The following NPHP4 variants were observed in gnomAD, a reference collection of about 807,000 sequenced individuals.
The protein encoded by NPHP4 is nephrocystin 4, also known as nephrocystin-4.
Under a neutral mutation model 155.8 loss-of-function variants are expected in NPHP4, and 151 were observed. The ratio of observed to expected loss-of-function variants is 0.97; its 90% CI spans 0.85 to 1.11. The LOEUF is 1.11. Among genes scored for constraint, NPHP4 ranks in the 50% least tolerant of loss-of-function variants. NPHP4 has a pLI of 0.00. For synonymous variants in NPHP4, 845 were observed against 816.8 expected (o/e 1.03, Z -0.59); for missense variants, 1,956 against 1,925.7 (o/e 1.02, Z -0.29).
chr1:5,916,611 C>G (rs1645486339), intron 11 of NPHP4, among the ~76,000 whole-genome samples: 1 of 152,242 alleles, frequency 6.6e-6, no homozygotes, highest in Non-Finnish European at 1.5e-5. Flanking sequence ...CGTTCAACTC[C>G]TGGTCCTTCC....
At chr1:5,966,878 C>G (rs1651607315) in intron 5 of NPHP4, among the ~76,000 whole-genome samples, 1 of 152,226 alleles carries the variant, frequency 6.6e-6, no homozygotes, top group Non-Finnish European at 1.5e-5. Context: ...TGAGGAACAG[C>G]AGGAAGCTCC....
In NPHP4 at chr1:5,890,091, A is replaced by G. The variant is rs494611; in HGVS notation, c.2304+777T>C. 0.087 allele frequency among the ~76,000 whole-genome samples: 13,173 copies of G among 151,916 alleles called. 610 individuals carry two copies. The highest frequency in any genetic ancestry group is 0.14 in the Middle Eastern group (40 of 294). On this transcript the variant is annotated intron_variant, in intron 17 of 29. Coordinates refer to ENST00000378156, the MANE Select transcript of NPHP4 (RefSeq NM_015102.5). The surrounding 1 kb of genome is among the most constrained non-coding windows in gnomAD (Gnocchi z 4.9). Reference sequence around the variant, plus strand: ...TCTCAGGGGTCAGCAGCTGCTGGAGAGGACAGGAAGCCCCGGGGGTTCAGC... The same window carrying G: ...TCTCAGGGGTCAGCAGCTGCTGGAGGGGACAGGAAGCCCCGGGGGTTCAGC...
chr1:5,869,959 C>T (rs1423056859), intron 23 of NPHP4, among the ~76,000 whole-genome samples: 1 of 152,226 alleles, frequency 6.6e-6, no homozygotes, highest in Non-Finnish European at 1.5e-5. Context: ...TGTGCACATA[C>T]ACGCACATAT....
Position 5,947,307 on chromosome 1 carries a change from A to G in NPHP4, c.993-77T>C, listed in dbSNP as rs1647157840. ...TCCCGCATCCACGTCGACCACTGTC[A>G]GAACAGTCAAGGGGACACCCTGGGG... On this transcript the variant is annotated intron_variant, in intron 8 of 29. Transcript: ENST00000378156. 3 of 1,532,812 alleles carry G rather than the reference A, an allele frequency of 2.0e-6. No individual in the cohort carries two copies. In the Admixed American group the frequency reaches 5.1e-5, roughly 26 times the overall value. 95.0% of individuals were successfully genotyped at this position (1,532,812 alleles called of 1,614,324 possible). A position where few individuals can be genotyped will look rare whatever the true frequency, so the allele number is the denominator to read the frequency against.
chr1:5,965,735 C>T (rs2102208171), intron 5 of NPHP4, among the ~76,000 whole-genome samples: 1 of 152,236 alleles, frequency 6.6e-6, no homozygotes. Context: ...TGGAACCAGC[C>T]CTTCTAGAGA....
chr1:5,899,336 A>C (rs1557684539), intron 16 of NPHP4, among the ~76,000 whole-genome samples: 1 of 152,192 alleles, frequency 6.6e-6, no homozygotes, highest in Non-Finnish European at 1.5e-5. Context: ...AGGAAAACAG[A>C]AACGCTACTG....
Position 5,863,378 on chromosome 1 carries a change from C to A in NPHP4, c.4168G>T (p.Gly1390Cys). The A allele has an allele frequency of 6.2e-7, 1 of 1,614,026 alleles. No homozygotes were observed. The highest frequency in any genetic ancestry group is 1.1e-5 in the South Asian group (1 of 91,084). ...QVGGGETYTIGLQFAPSQRVG... is the reference protein window; with the variant it reads ...QVGGGETYTICLQFAPSQRVG... Reference sequence around the variant, plus strand: ...CTCTGACTAGGCGCAAACTGCAAGCCGATGGTGTAGGTCTCTCCACCCCCG... The same window carrying A: ...CTCTGACTAGGCGCAAACTGCAAGCAGATGGTGTAGGTCTCTCCACCCCCG... The change falls in exon 30 of 30, where the codon GGC becomes TGC. Residue 1390 changes from glycine (G) to cysteine (C), a missense_variant. Gly to Cys is a radical substitution (Grantham distance 159). Transcript: ENST00000378156.
intron 7 of NPHP4, among the ~76,000 whole-genome samples, chr1:5,949,652 GA>G (rs1423885805): frequency 2.0e-5 from 3 of 151,942 alleles, no homozygotes; most frequent in Non-Finnish European, 4.4e-5. Context: ...AGGACAGTCA[GA>G]GGACCCCGTC....
At chr1:5,901,419 A>C (rs1008852374) in intron 16 of NPHP4, among the ~76,000 whole-genome samples, 1 of 152,234 alleles carries the variant, frequency 6.6e-6, no homozygotes, top group Non-Finnish European at 1.5e-5. Context: ...GCAGAGACTC[A>C]GATATGTAAG....
At chr1:5,865,067 G>A (rs1257920401) in intron 27 of NPHP4, 35 bp downstream of exon 27, 1 of 1,602,014 alleles carries the variant, frequency 6.2e-7, no homozygotes, top group Middle Eastern at 1.7e-4. Flanking sequence ...CTGGGGTTGG[G>A]GAGAGGCTCA....
At chr1:5,964,941 A>ATATATATATATATTTTTTTTT in intron 5 of NPHP4, among the ~76,000 whole-genome samples, 2 of 59,400 alleles carry the variant, frequency 3.4e-5, no homozygotes, top group Non-Finnish European at 5.7e-5. Context: ...ATATATATAT[A>ATATATATATATATTTTTTTTT]TTTTTTTTTT....
intron 6 of NPHP4, among the ~76,000 whole-genome samples, chr1:5,959,968 T>A (rs1314346991): frequency 6.6e-6 from 1 of 152,162 alleles, no homozygotes; most frequent in Non-Finnish European, 1.5e-5. Context: ...ATGATCAGTA[T>A]CAAGCAGGCG....
At chr1:5,968,959 G>A (rs770521493) in intron 4 of NPHP4, 128 bp downstream of exon 4, 82 of 568,194 alleles carry the variant, frequency 1.4e-4, no homozygotes, top group South Asian at 2.3e-4. Flanking sequence ...CCCAGGAAGC[G>A]GAGGTTGCAG....
chr1:5,888,364 A>G (rs936275360), intron 17 of NPHP4: 1 of 1,083,312 alleles, frequency 9.2e-7, no homozygotes, highest in African/African-American at 1.7e-5. Context: ...CCTCTCACAT[A>G]AGAAGCAGTG....
chr1:5,863,448 T>C, intron 29 of NPHP4, 43 bp from the exon 30 acceptor site: 1 of 1,601,004 alleles, frequency 6.2e-7, no homozygotes, highest in Non-Finnish European at 8.5e-7. Context: ...CCCCGGGCTG[T>C]CCCACGCTCT....
chr1:5,872,742 G>A (rs767347188), intron 23 of NPHP4, among the ~76,000 whole-genome samples: 22 of 152,148 alleles, frequency 1.4e-4, no homozygotes, highest in African/African-American at 3.9e-4. Context: ...TGTTTCTACC[G>A]AATAAAAAAC....
intron 2 of NPHP4, among the ~76,000 whole-genome samples, chr1:5,979,536 G>A (rs184594636): frequency 2.1e-4 from 32 of 152,076 alleles, no homozygotes; most frequent in African/African-American, 6.8e-4. Flanking sequence ...TATAGTACCT[G>A]TGTTTTGTTT....
At chr1:5,872,280 C>T (rs1487840236) in intron 23 of NPHP4, among the ~76,000 whole-genome samples, 2 of 152,240 alleles carry the variant, frequency 1.3e-5, no homozygotes, top group Non-Finnish European at 1.5e-5. Flanking sequence ...ACTCACTTCC[C>T]AATGCTGCCA....
At chr1:5,920,575 G>A (rs765459527) in intron 11 of NPHP4, among the ~76,000 whole-genome samples, 1 of 152,098 alleles carries the variant, frequency 6.6e-6, no homozygotes, top group African/African-American at 2.4e-5. Flanking sequence ...CAATCGCTGG[G>A]CATCTGCTCC....
Sources: allele counts gnomAD v4.1 joint callset (sites outside exome capture counted in the v4.1 genomes callset), GRCh38; gene constraint gnomAD v4.1.1; non-coding constraint Gnocchi (gnomAD v3.1); transcripts MANE v1.5; gene names NCBI Gene and HGNC (gene_info 2026-07-23, HGNC 2026-07-21).